Variants in RBFOX1 observed in about 807,000 individuals in gnomAD.
The protein encoded by RBFOX1 is RNA binding fox-1 homolog 1.
RBFOX1 carries 8 observed loss-of-function variants against 57.7 expected under a neutral mutation model. The ratio of observed to expected loss-of-function variants is 0.14; its 90% CI spans 0.08 to 0.25. The LOEUF (loss-of-function observed/expected upper bound fraction) is 0.25, where lower values mean the gene tolerates loss of function less well. RBFOX1 is among the 10% of genes least tolerant of loss of function. The probability of loss-of-function intolerance (pLI) is 1.00; values close to 1 mark genes in which losing one functional copy is unlikely to be tolerated. For synonymous variants in RBFOX1, 326 were observed against 222.4 expected, an observed-to-expected ratio of 1.47 and a Z score of -4.15; for missense variants, 611 against 548.5, an observed-to-expected ratio of 1.11 and a Z score of -1.14.
chr16:6,639,583 A>G (rs561471724), intron 2 of RBFOX1, among the ~76,000 whole-genome samples: 1 of 152,344 alleles, frequency 6.6e-6, no homozygotes, highest in African/African-American at 2.4e-5. Flanking sequence ...TAATTTAAAG[A>G]TTACAATTGT....
chr16:6,527,956 G>C (rs1279796609), intron 2 of RBFOX1, among the ~76,000 whole-genome samples: 1 of 152,094 alleles, frequency 6.6e-6, no homozygotes, highest in African/African-American at 2.4e-5. Flanking sequence ...TGGCATCGCT[G>C]AACCGTCATT....
chr16:5,837,557 G>C (rs1230018381), intron 3 of RBFOX1, among the ~76,000 whole-genome samples: 1 of 151,084 alleles, frequency 6.6e-6, no homozygotes, highest in Non-Finnish European at 1.5e-5. Flanking sequence ...GTTGGGGCAG[G>C]AGGAGGTGGA....
intron 3 of RBFOX1, chr16:6,723,702 G>C (rs770744676): frequency 6.6e-6 from 1 of 152,034 alleles, no homozygotes; most frequent in African/African-American, 2.4e-5. Flanking sequence ...CAAGGAATGA[G>C]TTACAGAAAG....
intron 2 of RBFOX1, among the ~76,000 whole-genome samples, chr16:5,529,528 C>T (rs1219770027): frequency 6.6e-6 from 1 of 151,308 alleles, no homozygotes; most frequent in Non-Finnish European, 1.5e-5. Flanking sequence ...TCCCATGTAG[C>T]TGGGACTACA....
At chr16:7,278,175 A>G (rs1016984667) in intron 4 of RBFOX1, among the ~76,000 whole-genome samples, 1 of 152,166 alleles carries the variant, frequency 6.6e-6, no homozygotes, top group African/African-American at 2.4e-5. Flanking sequence ...TAAGTTGGAA[A>G]TGGTTGATAT....
chr16:7,356,574 A>C (rs2097218207), intron 4 of RBFOX1, among the ~76,000 whole-genome samples: 2 of 152,098 alleles, frequency 1.3e-5, no homozygotes, highest in Admixed American at 1.3e-4. Flanking sequence ...CATGATAATG[A>C]GTTTGGATTT....
intron 1 of RBFOX1, among the ~76,000 whole-genome samples, chr16:5,273,485 C>T (rs761040104): frequency 4.3e-4 from 65 of 152,138 alleles, no homozygotes; most frequent in Non-Finnish European, 5.6e-4. Flanking sequence ...ATCTCAGATG[C>T]CCTTGCATCA....
At chr16:5,627,405 A>AG (rs201104247) in intron 3 of RBFOX1, among the ~76,000 whole-genome samples, 3,248 of 152,242 alleles carry the variant, frequency 0.021, 109 homozygotes, top group African/African-American at 0.074. Context: ...CCTTTTAACC[A>AG]TAGTGATCTT....
chr16:7,079,530 A>C (rs2058833759), intron 4 of RBFOX1, among the ~76,000 whole-genome samples: 1 of 152,178 alleles, frequency 6.6e-6, no homozygotes, highest in Admixed American at 6.5e-5. Flanking sequence ...TCAGATTGTA[A>C]ATTCTTGGAG....
chr16:5,816,238 T>TC (rs1383220590), intron 3 of RBFOX1, among the ~76,000 whole-genome samples: 1 of 152,194 alleles, frequency 6.6e-6, no homozygotes, highest in African/African-American at 2.4e-5. Context: ...GCAGGCGGAA[T>TC]ACCTTCTCCC....
At chr16:6,133,598 A>T (rs962836460) in intron 1 of RBFOX1, among the ~76,000 whole-genome samples, 4 of 152,110 alleles carry the variant, frequency 2.6e-5, no homozygotes, top group Admixed American at 6.6e-5. Context: ...TTTAAAATCC[A>T]TATCTTATTT....
At chr16:5,369,456 G>A (rs2065805854) in intron 1 of RBFOX1, among the ~76,000 whole-genome samples, 2 of 152,136 alleles carry the variant, frequency 1.3e-5, no homozygotes, top group African/African-American at 2.4e-5. Flanking sequence ...AGACCTGCTC[G>A]GTACCAGGCA....
intron 1 of RBFOX1, among the ~76,000 whole-genome samples, chr16:6,303,270 A>G (rs2079038151): frequency 6.6e-6 from 1 of 152,146 alleles, no homozygotes; most frequent in Non-Finnish European, 1.5e-5. Flanking sequence ...GTTCTGAGAC[A>G]TCTTCCCGGG....
At chr16:5,330,134 C>T (rs2151272254) in intron 1 of RBFOX1, among the ~76,000 whole-genome samples, 1 of 152,216 alleles carries the variant, frequency 6.6e-6, no homozygotes, top group Admixed American at 6.5e-5. Flanking sequence ...TCCTAGGGGC[C>T]ACACCTCCAA....
Position 5,747,340 on chromosome 16 carries a change from A to T in RBFOX1, c.319-119963A>T, listed in dbSNP as rs538039250. ...TGTTCATCAGGGATATTGGTCTGAA[A>T]TTCTCTGTTTTTGTTGTGTCTCTGC... On this transcript the variant is annotated intron_variant, in intron 3 of 19. Transcript: ENST00000641259. 1.4e-4 allele frequency among the ~76,000 whole-genome samples: 21 copies of T among 152,222 alleles called. 1 individual carries two copies. In the South Asian group the frequency reaches 4.2e-3, roughly 30 times the overall value.
rs117266784 is a variant in RBFOX1 at position 5,394,807 on chromosome 16, C to T, written c.220-72409C>T. ...CACGCAGTCTGCCCCACCTTGGCTT[C>T]CCAAAATACTGGGATTACAGGTTTG... On this transcript the variant is annotated intron_variant, in intron 1 of 2. Coordinates refer to the RBFOX1 transcript ENST00000585867. Among the ~76,000 whole-genome samples the T allele has an allele frequency of 4.8e-3, 730 of 152,244 alleles. 21 individuals are homozygous for T. Among genetic ancestry groups the T allele is most frequent in the Admixed American group, 0.041 (627 of 15,278 alleles).
chr16:7,537,890 G>A (rs183611537), intron 5 of RBFOX1, among the ~76,000 whole-genome samples: 4 of 152,320 alleles, frequency 2.6e-5, no homozygotes, highest in Non-Finnish European at 4.4e-5. Flanking sequence ...GGGGAAATCC[G>A]TGGTATTTTT....
At chr16:5,712,560 T>A (rs1311515555) in intron 3 of RBFOX1, among the ~76,000 whole-genome samples, 1 of 152,180 alleles carries the variant, frequency 6.6e-6, no homozygotes, top group Non-Finnish European at 1.5e-5. Context: ...TTCTAGGGGC[T>A]TTTCATCATC....
At chr16:7,033,194 GGA>G (rs1278317340) in intron 3 of RBFOX1, among the ~76,000 whole-genome samples, 2 of 152,046 alleles carry the variant, frequency 1.3e-5, no homozygotes, top group African/African-American at 4.8e-5. Context: ...GGGATTATAG[GGA>G]GACCACCCGT....
Sources: allele counts gnomAD v4.1 joint callset (sites outside exome capture counted in the v4.1 genomes callset), GRCh38; gene constraint gnomAD v4.1.1; transcripts MANE v1.5; gene names NCBI Gene and HGNC (gene_info 2026-07-23, HGNC 2026-07-21).